CACNA1B: variants seen among roughly 807,000 people sequenced by gnomAD.
CACNA1B encodes calcium voltage-gated channel subunit alpha1 B.
In CACNA1B, 70 loss-of-function variants were observed where a neutral mutation model predicts 247.2. The observed-to-expected ratio is 0.28, with a 90% CI of 0.23 to 0.35. CACNA1B has a LOEUF of 0.35. Among genes scored for constraint, CACNA1B ranks in the 10% least tolerant of loss-of-function variants. CACNA1B has a pLI of 1.00. For missense variants in CACNA1B, 2,367 were observed against 3,197.4 expected, an observed-to-expected ratio of 0.74 and a Z score of 6.26; for synonymous variants, 1,231 against 1,294.4, an observed-to-expected ratio of 0.95 and a Z score of 1.05.
Position 137,929,712 on chromosome 9 carries a change from G to A in CACNA1B, c.966+12281G>A, listed in dbSNP as rs1319669890. Among the ~76,000 whole-genome samples, 7 of 152,134 alleles carry A rather than the reference G, an allele frequency of 4.6e-5. No homozygotes were observed. The East Asian group carries it at 1.4e-3, about 29-fold the overall frequency. On this transcript the variant is annotated intron_variant, in intron 6 of 46. Coordinates refer to ENST00000371372, the MANE Select transcript of CACNA1B (RefSeq NM_000718.4). Reference sequence around the variant, plus strand: ...GTGTCACTCAGGCTGGAGTACAGGGGCATGGTCATAGCTCACTGTAGCCTC... The same window carrying A: ...GTGTCACTCAGGCTGGAGTACAGGGACATGGTCATAGCTCACTGTAGCCTC...
intron 38 of CACNA1B, among the ~76,000 whole-genome samples, chr9:138,104,081 A>C (rs1028092330): frequency 6.6e-6 from 1 of 152,108 alleles, no homozygotes; most frequent in African/African-American, 2.4e-5. Flanking sequence ...GTGCTGGCTG[A>C]CTCCAAGGTT....
rs1191372393 is a variant in CACNA1B at position 137,974,710 on chromosome 9, C to T, written c.1544-1197C>T. Among the ~76,000 whole-genome samples the T allele has an allele frequency of 6.6e-6, 1 of 152,186 alleles. No homozygotes were observed. Among genetic ancestry groups the T allele is most frequent in the East Asian group, 1.9e-4 (1 of 5,186 alleles). ...CAGAAGTTGTGTCTGCTGAAGGTCCCGTGTCCCAACAGAGACTGTAGAGGG... is the reference window on the plus strand; with the variant it reads ...CAGAAGTTGTGTCTGCTGAAGGTCCTGTGTCCCAACAGAGACTGTAGAGGG... On this transcript the variant is annotated intron_variant, in intron 11 of 46. Transcript: ENST00000371372. This position sits in a 1 kb window ranked among gnomAD's most constrained non-coding sequence, Gnocchi z 4.5.
At chr9:138,055,935 C>T (rs1037927166) in intron 26 of CACNA1B, among the ~76,000 whole-genome samples, 7 of 151,722 alleles carry the variant, frequency 4.6e-5, no homozygotes, top group South Asian at 4.2e-4. Flanking sequence ...CTGAGGCAGG[C>T]GAATCGCTTG....
intron 5 of CACNA1B, among the ~76,000 whole-genome samples, chr9:137,916,360 G>A (rs1214535885): frequency 2.0e-5 from 3 of 151,982 alleles, no homozygotes; most frequent in Non-Finnish European, 4.4e-5. Context: ...TTTTTTTTCG[G>A]CCTTTCATTG....
At chr9:137,951,064 C>T (rs1032900227) in intron 6 of CACNA1B, among the ~76,000 whole-genome samples, 2 of 152,172 alleles carry the variant, frequency 1.3e-5, no homozygotes, top group Non-Finnish European at 2.9e-5. Context: ...TCCTTTTTCT[C>T]AAGAAGGGAG....
At chr9:138,079,255 T>C (rs1018626886) in intron 36 of CACNA1B, among the ~76,000 whole-genome samples, 7 of 151,844 alleles carry the variant, frequency 4.6e-5, no homozygotes, top group African/African-American at 1.7e-4. Context: ...AGCACTGACG[T>C]AGGGGAAGAA....
chr9:138,063,943 T>C lies in CACNA1B; in HGVS notation c.4668+4206T>C, dbSNP rs150616595. On this transcript the variant is annotated intron_variant, in intron 31 of 46. Coordinates refer to ENST00000371372, the MANE Select transcript of CACNA1B (RefSeq NM_000718.4). Reference sequence around the variant, plus strand: ...GGTGTTGAGGACTTTCCTATTGTTATGTCTACTTCACATGTCGAGGAGCCA... The same window carrying C: ...GGTGTTGAGGACTTTCCTATTGTTACGTCTACTTCACATGTCGAGGAGCCA... 3.0e-3 allele frequency among the ~76,000 whole-genome samples: 462 copies of C among 152,346 alleles called. 2 individuals are homozygous for C. Among genetic ancestry groups the C allele is most frequent in the African/African-American group, 0.011 (438 of 41,574 alleles).
intron 15 of CACNA1B, 49 bp from the exon 16 acceptor site, chr9:138,006,718 G>A: frequency 9.6e-7 from 1 of 1,042,464 alleles, no homozygotes; most frequent in South Asian, 1.3e-5. Context: ...GCGTGTGTGT[G>A]GGGAAGGCGG....
rs201614040 is a variant in CACNA1B at position 138,117,952 on chromosome 9, C to T, written c.5784C>T (p.Asn1928=). The T allele has an allele frequency of 3.2e-5, 50 of 1,580,822 alleles. No homozygotes were observed. In the South Asian group the frequency reaches 5.6e-4, roughly 18 times the overall value. ...TTTGTCTTCTCTGCCACAGACAAAA[C>T]CAAGAGAGTGGCATCAAAGAGTCTG... ...TSLSNGGAIQ[N]QESGIKESVS... The change falls in exon 43 of 47, where the codon AAC becomes AAT. Residue 1928 remains asparagine (N), a synonymous_variant. Transcript: ENST00000371372.
intron 6 of CACNA1B, among the ~76,000 whole-genome samples, chr9:137,944,215 AT>A (rs1198177364): frequency 6.6e-6 from 1 of 151,954 alleles, no homozygotes; most frequent in Non-Finnish European, 1.5e-5. Context: ...GCTGATTTTG[AT>A]TAGTTTGTGG....
chr9:137,965,825 C>T (rs117432144), intron 10 of CACNA1B, among the ~76,000 whole-genome samples: 201 of 152,266 alleles, frequency 1.3e-3, no homozygotes, highest in Non-Finnish European at 2.2e-3. Context: ...CCTCATGATC[C>T]GCCCGCCTTG....
At chr9:138,049,356 A>T (rs1426622398) in intron 24 of CACNA1B, 41 bp downstream of exon 24, 2 of 1,260,858 alleles carry the variant, frequency 1.6e-6, no homozygotes, top group Non-Finnish European at 2.3e-6. Context: ...GAGAGCCCCC[A>T]GAATCACGAT....
intron 23 of CACNA1B, among the ~76,000 whole-genome samples, chr9:138,048,620 C>T (rs188628339): frequency 3.7e-4 from 56 of 152,312 alleles, no homozygotes; most frequent in Non-Finnish European, 4.3e-4. Flanking sequence ...AACGTGTGCA[C>T]TCAGCCACAC....
chr9:137,997,387 A>G (rs905290210), intron 15 of CACNA1B, among the ~76,000 whole-genome samples: 3 of 152,254 alleles, frequency 2.0e-5, no homozygotes, highest in African/African-American at 7.2e-5. Flanking sequence ...TTATTTACAG[A>G]TGAAATATTT....
At position 137,913,097 on chromosome 9, in the gene CACNA1B, G is replaced by T; in HGVS notation, c.531-83G>T. The T allele has an allele frequency of 9.5e-7, 1 of 1,057,472 alleles. No homozygotes were observed. Among genetic ancestry groups the T allele is most frequent in the South Asian group, 1.4e-5 (1 of 71,978 alleles). 65.5% of individuals were successfully genotyped at this position (1,057,472 alleles called of 1,614,324 possible). ...AGGTGTCACTGCTCTTGGGAGACAT[G>T]ACCCTGGTGGTGGGAGGAGTGTGTC... On this transcript the variant is annotated intron_variant, in intron 3 of 46. Coordinates refer to ENST00000371372, the MANE Select transcript of CACNA1B (RefSeq NM_000718.4). This position sits in a 1 kb window ranked among gnomAD's most constrained non-coding sequence, Gnocchi z 5.2.
chr9:137,986,275 G>T lies in CACNA1B; in HGVS notation c.1770-138G>T. 1.1e-6 allele frequency: 1 copy of T among 934,478 alleles called. No individual in the cohort carries two copies. The highest frequency in any genetic ancestry group is 1.7e-5 in the African/African-American group (1 of 60,234). 57.9% of individuals were successfully genotyped at this position (934,478 alleles called of 1,614,324 possible). On this transcript the variant is annotated intron_variant, in intron 13 of 46. Transcript: ENST00000371372. The surrounding 1 kb of genome is among the most constrained non-coding windows in gnomAD (Gnocchi z 6.0). ...AGGGTAGTGGGCCTGAAACTCCAGA[G>T]AAAAGCTCTAACTTCACACCTAGGT...
intron 6 of CACNA1B, among the ~76,000 whole-genome samples, chr9:137,939,841 A>AATAG (rs1179261093): frequency 1.5e-5 from 2 of 137,766 alleles, no homozygotes; most frequent in African/African-American, 6.2e-5. Context: ...TAAATAAATA[A>AATAG]ATAAATAAAA....
rs1962165605 is a variant in CACNA1B at position 138,123,392 on chromosome 9, G to A, written c.*1393G>A. The A allele has an allele frequency of 6.6e-6, 1 of 152,400 alleles. No individual in the cohort carries two copies. The highest frequency in any genetic ancestry group is 6.5e-5 in the Admixed American group (1 of 15,282). The allele number at this position is 152,400 out of a possible 1,614,324, so 9.4% of individuals were successfully genotyped here. On this transcript the variant is annotated 3_prime_UTR_variant, in exon 47 of 47. Transcript: ENST00000371372. ...GCTCAGGAGAGAAAGACCATGCTCAGGACACTGTCCAAGGTGCACAAGATG... is the reference window on the plus strand; with the variant it reads ...GCTCAGGAGAGAAAGACCATGCTCAAGACACTGTCCAAGGTGCACAAGATG...
chr9:138,058,777 A>G lies in CACNA1B; in HGVS notation c.4473+44A>G. The G allele has an allele frequency of 1.3e-6, 2 of 1,534,434 alleles. No individual in the cohort carries two copies. The highest frequency in any genetic ancestry group is 1.8e-6 in the Non-Finnish European group (2 of 1,127,868). ...AGAGGGGCAGCTGGCGCTGCTAGGGATTGGGATCTAACCCTGAGGCTGAGT... is the reference window on the plus strand; with the variant it reads ...AGAGGGGCAGCTGGCGCTGCTAGGGGTTGGGATCTAACCCTGAGGCTGAGT... On this transcript the variant is annotated intron_variant, in intron 29 of 46. Coordinates refer to ENST00000371372, the MANE Select transcript of CACNA1B (RefSeq NM_000718.4). The surrounding 1 kb of genome is among the most constrained non-coding windows in gnomAD (Gnocchi z 4.7).
Sources: allele counts gnomAD v4.1 joint callset (sites outside exome capture counted in the v4.1 genomes callset), GRCh38; gene constraint gnomAD v4.1.1; non-coding constraint Gnocchi (gnomAD v3.1); transcripts MANE v1.5; gene names NCBI Gene and HGNC (gene_info 2026-07-23, HGNC 2026-07-21).